The following CCNL1 variants were observed in gnomAD, a reference collection of about 807,000 sequenced individuals.
CCNL1 encodes cyclin-L1.
A neutral mutation model predicts 60.6 loss-of-function variants in CCNL1; 13 were observed. That is an observed-to-expected ratio of 0.21 (90% CI 0.14 to 0.34). The LOEUF is 0.34. Among genes scored for constraint, CCNL1 ranks in the 10% least tolerant of loss-of-function variants. The pLI is 1.00. For synonymous variants in CCNL1, 270 were observed against 244.3 expected, an observed-to-expected ratio of 1.10 and a Z score of -0.98; for missense variants, 481 against 664.3, an observed-to-expected ratio of 0.72 and a Z score of 3.03.
At chr3:157,159,685 T>C in intron 1 of CCNL1, 107 bp downstream of exon 1, 1 of 1,178,422 alleles carries the variant, frequency 8.5e-7, no homozygotes, top group Non-Finnish European at 1.2e-6. Flanking sequence ...CGGGAAAGCC[T>C]GAAGGAACCG....
At chr3:157,157,630 G>A (rs1051230483) in intron 3 of CCNL1, among the ~76,000 whole-genome samples, 1 of 152,120 alleles carries the variant, frequency 6.6e-6, no homozygotes, top group Admixed American at 6.5e-5. Context: ...AATTCCCAGG[G>A]ACTCATCAAC....
intron 5 of CCNL1, chr3:157,151,300 A>T: frequency 1.0e-6 from 1 of 985,708 alleles, no homozygotes; most frequent in Non-Finnish European, 1.2e-6. Context: ...TAAGTCCTTC[A>T]CATCAATAGT....
At chr3:157,159,534 C>G (rs921150407) in intron 1 of CCNL1, 55 bp from the exon 2 acceptor site, 273 of 1,499,316 alleles carry the variant, frequency 1.8e-4, no homozygotes, top group Non-Finnish European at 2.2e-4. Flanking sequence ...CCGCTCCAGG[C>G]GCCGCCGCCA....
intron 5 of CCNL1, chr3:157,150,593 A>T (rs1303125595): frequency 7.9e-7 from 1 of 1,258,190 alleles, no homozygotes. Context: ...CCTATATATG[A>T]GCGAAGCCCT....
Position 157,148,153 on chromosome 3 carries a change from T to C in CCNL1, c.*88A>G, listed in dbSNP as rs540619875. On this transcript the variant is annotated 3_prime_UTR_variant, in exon 11 of 11. Transcript: ENST00000295926. ...TTTCAAGAAATCAAATCCTAATCAG[T>C]TTGCGTTTAATGTTTTTGATTGAGT... 2.5e-4 allele frequency: 374 copies of C among 1,499,794 alleles called. 2 individuals carry two copies. In the East Asian group the frequency reaches 8.4e-3, roughly 34 times the overall value. 92.9% of individuals were successfully genotyped at this position (1,499,794 alleles called of 1,614,324 possible). A position where few individuals can be genotyped will look rare whatever the true frequency, so the allele number is the denominator to read the frequency against.
Position 157,149,268 on chromosome 3 carries a change from TA to T in CCNL1, c.1232+18del. On this transcript the variant is annotated intron_variant, in intron 10 of 10. Transcript: ENST00000295926. Reference sequence around the variant, plus strand: ...AAAACTCCAAATAAGACTGCTTCCCTAAGAAAACATTTACTTACTGTCTTCT... The same window carrying T: ...AAAACTCCAAATAAGACTGCTTCCCTAGAAAACATTTACTTACTGTCTTCT... The T allele has an allele frequency of 6.4e-7, 1 of 1,566,914 alleles. No homozygotes were observed. The highest frequency in any genetic ancestry group is 8.8e-7 in the Non-Finnish European group (1 of 1,137,508).
chr3:157,154,933 TATAC>T (rs369407739), intron 3 of CCNL1, among the ~76,000 whole-genome samples: 1,497 of 147,866 alleles, frequency 0.01, 26 homozygotes, highest in African/African-American at 0.021. Context: ...TCTCCATATA[TATAC>T]ATACATACAT....
chr3:157,150,448 T>C (rs1738098168), intron 5 of CCNL1, 67 bp from the exon 6 acceptor site: 1 of 1,554,380 alleles, frequency 6.4e-7, no homozygotes. Context: ...TACATAAAAT[T>C]GGAGACTCAA....
chr3:157,146,717 G>A, downstream of CCNL1: 1 of 335,730 alleles, frequency 3.0e-6, no homozygotes, highest in Non-Finnish European at 5.9e-6. Flanking sequence ...TGTAGGGGAA[G>A]CAAACTGTTC....
Position 157,148,492 on chromosome 3 carries a change from C to T in CCNL1, c.1330G>A (p.Gly444Ser), listed in dbSNP as rs1029844869. 1 of 1,614,136 alleles carries T rather than the reference C, an allele frequency of 6.2e-7. No homozygotes were observed. Among genetic ancestry groups the T allele is most frequent in the Non-Finnish European group, 8.5e-7 (1 of 1,180,024 alleles). ...TGCTTGGCCTTAAGGTGAGGAGAACCATGATTATGATGTCTTCGAGGGCTT... is the reference window on the plus strand; with the variant it reads ...TGCTTGGCCTTAAGGTGAGGAGAACTATGATTATGATGTCTTCGAGGGCTT... ...SESPRRHHNHGSPHLKAKHTR... is the reference protein window; with the variant it reads ...SESPRRHHNHSSPHLKAKHTR... The change falls in exon 11 of 11, where the codon GGT becomes AGT. Residue 444 changes from glycine to serine, a missense_variant. By Grantham distance (56) the Gly-to-Ser change is moderately conservative. Around this residue, in one of 5 missense-constraint regions of CCNL1, gnomAD observed 197 missense variants for 233.9 expected, o/e 0.84. Transcript: ENST00000295926.
At chr3:157,152,940 G>A in intron 4 of CCNL1, 96 bp downstream of exon 4, 1 of 1,548,654 alleles carries the variant, frequency 6.5e-7, no homozygotes, top group African/African-American at 1.4e-5. Flanking sequence ...TTAAAACCAA[G>A]GTTAACACTC....
downstream of CCNL1, among the ~76,000 whole-genome samples, chr3:157,145,616 A>T (rs1487631655): frequency 6.6e-6 from 1 of 152,158 alleles, no homozygotes. Context: ...AGGTACAAGC[A>T]CCAATGGATA....
At position 157,149,987 on chromosome 3, in the gene CCNL1, G is replaced by A. The variant is rs750453663; in HGVS notation, c.880-10C>T. 2.2e-5 allele frequency: 36 copies of A among 1,600,896 alleles called. No individual in the cohort carries two copies. In the African/African-American group the frequency reaches 3.7e-4, roughly 16 times the overall value. ...GTAATTCATAGTTTGGCTGTTGGAGGAAAAAAAAGTTAGTATTTCTTCCTT... is the reference window on the plus strand; with the variant it reads ...GTAATTCATAGTTTGGCTGTTGGAGAAAAAAAAAGTTAGTATTTCTTCCTT... On this transcript the variant is annotated splice_polypyrimidine_tract_variant and intron_variant, in intron 7 of 10. Transcript: ENST00000295926.
intron 3 of CCNL1, among the ~76,000 whole-genome samples, chr3:157,157,487 G>C (rs777066243): frequency 1.3e-5 from 2 of 152,148 alleles, no homozygotes; most frequent in African/African-American, 4.8e-5. Context: ...TTTCCTTTAA[G>C]CAAAGAGAAA....
chr3:157,155,472 A>T (rs1738542334), intron 3 of CCNL1, among the ~76,000 whole-genome samples: 2 of 152,134 alleles, frequency 1.3e-5, no homozygotes, highest in Non-Finnish European at 2.9e-5. Context: ...CAAACCCATT[A>T]TTTACTATAA....
At position 157,148,095 on chromosome 3, in the gene CCNL1, A is replaced by G; in HGVS notation, c.*146T>C. The stretch of plus-strand genomic sequence containing the variant: ...AAATTAACATAGTTCTTTTCAAAAG[A>G]AACTGTCCTCAGTGTTCTAGAGACC... On this transcript the variant is annotated 3_prime_UTR_variant, in exon 11 of 11. Transcript: ENST00000295926. 7.1e-7 allele frequency: 1 copy of G among 1,409,576 alleles called. No homozygotes were observed. Among genetic ancestry groups the G allele is most frequent in the African/African-American group, 1.4e-5 (1 of 69,398 alleles). 87.3% of individuals were successfully genotyped at this position (1,409,576 alleles called of 1,614,324 possible).
intron 3 of CCNL1, 188 bp downstream of exon 3, chr3:157,158,678 C>T (rs1269659023): frequency 2.1e-6 from 1 of 468,792 alleles, no homozygotes; most frequent in Non-Finnish European, 3.8e-6. Context: ...TTTAGATAAC[C>T]GGTTAATTAT....
chr3:157,146,616 A>G, downstream of CCNL1: 1 of 271,106 alleles, frequency 3.7e-6, no homozygotes, highest in South Asian at 2.3e-5. Context: ...CTCTAAAAAA[A>G]AAAAAAAAAA....
rs550625825 is a variant in CCNL1 at position 157,158,837 on chromosome 3, G to A, written c.488+29C>T. On this transcript the variant is annotated intron_variant, in intron 3 of 10. Transcript: ENST00000295926. ...GGTGCACGGTACAGCAGTAGCAAGA[G>A]ATACTATGTTCAATAATGCCAATCT... 3.6e-6 allele frequency: 5 copies of A among 1,376,152 alleles called. No homozygotes were observed. The Admixed American group carries it at 6.8e-5, about 19-fold the overall frequency. The allele number at this position is 1,376,152 out of a possible 1,614,324, so 85.2% of individuals were successfully genotyped here. A position where few individuals can be genotyped will look rare whatever the true frequency, so the allele number is the denominator to read the frequency against.
Sources: gnomAD v4.1 joint callset for allele counts (sites outside exome capture counted in the v4.1 genomes callset) on GRCh38, gnomAD v4.1.1 for gene constraint, gnomAD v4.1.1 regional missense constraint, MANE v1.5 for transcripts, NCBI Gene and HGNC (gene_info 2026-07-23, HGNC 2026-07-21) for gene names.